Variants in NUF2 observed in about 807,000 individuals in gnomAD.
NUF2 encodes the protein NUF2 component of NDC80 kinetochore complex.
Under a neutral mutation model 61.8 loss-of-function variants are expected in NUF2, and 34 were observed. The observed-to-expected ratio is 0.55, with a 90% CI of 0.42 to 0.73. The LOEUF is 0.73. Ranked by LOEUF, NUF2 falls within the 30% of genes least tolerant of loss-of-function variation. NUF2 has a pLI of 0.00. For missense variants in NUF2, 445 were observed against 539.1 expected, an observed-to-expected ratio of 0.83 and a Z score of 1.73; for synonymous variants, 172 against 181.6, an observed-to-expected ratio of 0.95 and a Z score of 0.42.
chr1:163,349,619 A>G (rs1455803621), intron 13 of NUF2, among the ~76,000 whole-genome samples: 37 of 152,156 alleles, frequency 2.4e-4, no homozygotes, highest in Admixed American at 2.4e-3. Context: ...ATAGTTAAAC[A>G]TTTGCTGCCA....
At chr1:163,339,622 A>G (rs1321132801) in intron 8 of NUF2, 145 bp downstream of exon 8, 2 of 592,394 alleles carry the variant, frequency 3.4e-6, no homozygotes, top group East Asian at 2.8e-5. Context: ...GCCCCTTATA[A>G]TGGATACATA....
At chr1:163,344,601 G>T (rs866602947) in intron 10 of NUF2, among the ~76,000 whole-genome samples, 3 of 106,478 alleles carry the variant, frequency 2.8e-5, no homozygotes, top group Non-Finnish European at 6.3e-5. Context: ...AAGATTATGG[G>T]TTACTGTGGG....
Position 163,327,801 on chromosome 1 carries a change from C to T in NUF2, c.198+239C>T. On this transcript the variant is annotated intron_variant, in intron 3 of 13. Coordinates refer to ENST00000271452, the MANE Select transcript of NUF2 (RefSeq NM_145697.3). ...ACCATAGTAAAAGACTTAAATGACA[C>T]AGATCATTGATGCAATGCAATTGTT... 1.1e-5 allele frequency: 5 copies of T among 468,960 alleles called. No individual in the cohort carries two copies. The South Asian group carries it at 1.8e-4, about 17-fold the overall frequency. 29.0% of individuals were successfully genotyped at this position (468,960 alleles called of 1,614,324 possible). A position where few individuals can be genotyped will look rare whatever the true frequency, so the allele number is the denominator to read the frequency against.
At chr1:163,332,646 G>A (rs1448661034) in intron 5 of NUF2, among the ~76,000 whole-genome samples, 1 of 152,058 alleles carries the variant, frequency 6.6e-6, no homozygotes, top group Non-Finnish European at 1.5e-5. Context: ...TTTGAAGCCA[G>A]CAGTGTAGCA....
At chr1:163,324,758 G>A (rs570003146) in intron 1 of NUF2, among the ~76,000 whole-genome samples, 2 of 152,260 alleles carry the variant, frequency 1.3e-5, no homozygotes, top group East Asian at 1.9e-4. Flanking sequence ...GGAGAGATAT[G>A]AAGAAAATGA....
At chr1:163,327,814 C>T (rs2101667049) in intron 3 of NUF2, 1 of 444,976 alleles carries the variant, frequency 2.2e-6, no homozygotes, top group Non-Finnish European at 4.0e-6. Context: ...ATCATTGATG[C>T]AATGCAATTG....
chr1:163,334,754 G>A (rs142031586), intron 5 of NUF2, among the ~76,000 whole-genome samples: 2,193 of 152,216 alleles, frequency 0.014, 19 homozygotes, highest in South Asian at 0.032. Context: ...ATCCCAGCCT[G>A]AGCAACAGAG....
intron 12 of NUF2, 38 bp downstream of exon 12, chr1:163,347,976 A>G (rs755352810): frequency 7.4e-7 from 1 of 1,351,692 alleles, no homozygotes. Context: ...ATTAGAAAGC[A>G]ATTATGAAAA....
intron 9 of NUF2, 150 bp downstream of exon 9, chr1:163,340,576 T>A (rs1164706618): frequency 3.6e-6 from 2 of 556,630 alleles, no homozygotes; most frequent in South Asian, 2.8e-5. Flanking sequence ...AATAGATGAC[T>A]ATTGTTTTAA....
rs1426483231 is a variant in NUF2 at position 163,340,511 on chromosome 1, A to ATTATGGTTAT, written c.669+85_669+86insTTATGGTTAT. The ATTATGGTTAT allele has an allele frequency of 8.9e-5, 78 of 873,378 alleles. No individual in the cohort carries two copies. In the Middle Eastern group the frequency reaches 1.2e-3, roughly 14 times the overall value. 54.1% of individuals were successfully genotyped at this position (873,378 alleles called of 1,614,324 possible). A position where few individuals can be genotyped will look rare whatever the true frequency, so the allele number is the denominator to read the frequency against. ...TTTAGCTGTGTGTGTTATTATGGGC[A>ATTATGGTTAT]AATGTTTCTCCCTTTTTCCCTTCAA... On this transcript the variant is annotated intron_variant, in intron 9 of 13. Transcript: ENST00000271452.
intron 8 of NUF2, 188 bp from the exon 9 acceptor site, chr1:163,340,176 T>G (rs1650893155): frequency 3.9e-6 from 2 of 517,892 alleles, no homozygotes; most frequent in Non-Finnish European, 6.7e-6. Flanking sequence ...TTATTTGGAG[T>G]TAACTACTTA....
intron 13 of NUF2, among the ~76,000 whole-genome samples, chr1:163,354,437 T>C (rs780850155): frequency 1.9e-4 from 29 of 152,168 alleles, no homozygotes; most frequent in Admixed American, 1.0e-3. Flanking sequence ...TGTGAATTTA[T>C]ACTATATCAA....
intron 6 of NUF2, among the ~76,000 whole-genome samples, chr1:163,337,236 G>GT (rs1650787868): frequency 6.6e-6 from 1 of 152,000 alleles, no homozygotes; most frequent in Non-Finnish European, 1.5e-5. Context: ...TTAAATAATG[G>GT]CATAATTGGA....
Position 163,343,771 on chromosome 1 carries a change from A to G in NUF2, c.708A>G (p.Ile236Met). The G allele has an allele frequency of 4.8e-6, 7 of 1,445,180 alleles. No individual in the cohort carries two copies. The highest frequency in any genetic ancestry group is 6.5e-6 in the Non-Finnish European group (7 of 1,085,190). 89.5% of individuals were successfully genotyped at this position (1,445,180 alleles called of 1,614,324 possible). A position where few individuals can be genotyped will look rare whatever the true frequency, so the allele number is the denominator to read the frequency against. ...LKLSVVSLKE[I>M]QESLKTKIVD... ...TGTCGGTGGTTTCTTTGAAAGAAAT[A>G]CAAGAGAGTTTGAAAACAAAAATTG... Residue 236 changes from isoleucine to methionine, a missense_variant, in exon 10 of 14, where the codon ATA (isoleucine) becomes ATG (methionine). Physicochemically the swap from Ile to Met is conservative, Grantham distance 10. Transcript: ENST00000271452.
At chr1:163,340,336 T>C (rs1557952030) in intron 8 of NUF2, 28 bp from the exon 9 acceptor site, 2 of 1,564,850 alleles carry the variant, frequency 1.3e-6, no homozygotes, top group South Asian at 1.1e-5. Context: ...TTTGAATCAT[T>C]ATAAAACGTG....
Sources: allele counts gnomAD v4.1 joint callset (sites outside exome capture counted in the v4.1 genomes callset), GRCh38; gene constraint gnomAD v4.1.1; transcripts MANE v1.5; gene names NCBI Gene and HGNC (gene_info 2026-07-23, HGNC 2026-07-21).